Variants in ULK4 observed in about 807,000 individuals in gnomAD.
ULK4 encodes the protein unc-51 like kinase 4, also known as inactive serine/threonine-protein kinase ULK4.
ULK4 carries 133 observed loss-of-function variants against 160.6 expected under a neutral mutation model. The ratio of observed to expected loss-of-function variants is 0.83; its 90% confidence interval spans 0.72 to 0.96. The LOEUF is 0.96. Among genes scored for constraint, ULK4 ranks in the 40% least tolerant of loss-of-function variants. The pLI, the probability that ULK4 is intolerant of heterozygous loss-of-function variation, is 0.00. For synonymous variants in ULK4, 534 were observed against 539.8 expected (o/e 0.99, Z 0.15); for missense variants, 1,580 against 1,499.5 (o/e 1.05, Z -0.89).
At chr3:41,819,401 G>T in intron 19 of ULK4, 22 bp downstream of exon 19, 1 of 1,607,654 alleles carries the variant, frequency 6.2e-7, no homozygotes, top group East Asian at 2.2e-5. Flanking sequence ...AGCATCTACA[G>T]AGGACAACAA....
At chr3:41,689,854 T>C (rs1229816780) in intron 27 of ULK4, among the ~76,000 whole-genome samples, 8 of 150,362 alleles carry the variant, frequency 5.3e-5, no homozygotes, top group South Asian at 2.1e-4. Context: ...GACTGTAAAC[T>C]AGTTCAACCA....
At chr3:41,670,673 A>C (rs1413004369) in intron 29 of ULK4, among the ~76,000 whole-genome samples, 2 of 152,066 alleles carry the variant, frequency 1.3e-5, no homozygotes, top group Non-Finnish European at 2.9e-5. Flanking sequence ...GGTACTTCAA[A>C]ATAAGTGTTA....
chr3:41,726,487 G>A (rs1334591064), intron 22 of ULK4, among the ~76,000 whole-genome samples: 4 of 152,220 alleles, frequency 2.6e-5, no homozygotes, highest in East Asian at 1.9e-4. Flanking sequence ...CTTCACAAGC[G>A]TTCTACGAAA....
intron 3 of ULK4, 83 bp downstream of exon 3, chr3:41,938,015 A>C: frequency 9.6e-7 from 1 of 1,039,754 alleles, no homozygotes; most frequent in Non-Finnish European, 1.4e-6. Flanking sequence ...TAACATAGTA[A>C]ATAACATCAA....
chr3:41,817,452 T>TA (rs1182074556), intron 19 of ULK4, among the ~76,000 whole-genome samples: 1 of 152,152 alleles, frequency 6.6e-6, no homozygotes, highest in African/African-American at 2.4e-5. Flanking sequence ...TAAAAAATTA[T>TA]AAAATCATGT....
intron 12 of ULK4, among the ~76,000 whole-genome samples, chr3:41,901,498 TGAGA>T (rs1698362499): frequency 8.2e-6 from 1 of 122,284 alleles, no homozygotes; most frequent in Non-Finnish European, 1.8e-5. Flanking sequence ...TTTTTTTTTT[TGAGA>T]TAGAGTCTCA....
intron 5 of ULK4, among the ~76,000 whole-genome samples, chr3:41,926,358 C>T (rs1051357106): frequency 6.6e-6 from 1 of 152,208 alleles, no homozygotes; most frequent in South Asian, 2.1e-4. Context: ...CAACATCAAA[C>T]ACCAAAGGTA....
chr3:41,411,935 G>A (rs1221886427), intron 34 of ULK4, among the ~76,000 whole-genome samples: 1 of 152,026 alleles, frequency 6.6e-6, no homozygotes, highest in Non-Finnish European at 1.5e-5. Context: ...GAAATTTCTG[G>A]CCAATGCAAT....
intron 30 of ULK4, among the ~76,000 whole-genome samples, chr3:41,647,210 A>G (rs1306031069): frequency 3.4e-5 from 5 of 147,038 alleles, no homozygotes; most frequent in East Asian, 2.0e-4. Flanking sequence ...GTCATTCTCC[A>G]TCCAGCTTTG....
chr3:41,577,196 GA>G (rs913396483), intron 31 of ULK4, among the ~76,000 whole-genome samples: 1 of 151,840 alleles, frequency 6.6e-6, no homozygotes, highest in Non-Finnish European at 1.5e-5. Context: ...TGGTAGAGCA[GA>G]AAAAAAACCG....
intron 5 of ULK4, among the ~76,000 whole-genome samples, chr3:41,922,914 G>A (rs990155507): frequency 6.6e-6 from 1 of 152,160 alleles, no homozygotes; most frequent in South Asian, 2.1e-4. Flanking sequence ...CCTCACACTT[G>A]TAATGCCAGC....
At chr3:41,657,862 G>A (rs2035002836) in intron 30 of ULK4, among the ~76,000 whole-genome samples, 1 of 142,166 alleles carries the variant, frequency 7.0e-6, no homozygotes, top group Admixed American at 7.1e-5. Context: ...CAAATAACTG[G>A]GGATGATCTC....
Position 41,932,447 on chromosome 3 carries a change from T to C in ULK4, c.379-441A>G, listed in dbSNP as rs529997897. ...TTTAGACCCAGGTCCACCATTTACTTGCTGTCTGACCTTAAAGAATTTATT... is the reference window on the plus strand; with the variant it reads ...TTTAGACCCAGGTCCACCATTTACTCGCTGTCTGACCTTAAAGAATTTATT... On this transcript the variant is annotated intron_variant, in intron 4 of 36. Transcript: ENST00000301831. Among the ~76,000 whole-genome samples, 29 of 152,344 alleles carry C rather than the reference T, an allele frequency of 1.9e-4. 1 individual carries two copies. In the East Asian group the frequency reaches 5.0e-3, roughly 26 times the overall value.
At chr3:41,645,907 T>C (rs1376693547) in intron 30 of ULK4, among the ~76,000 whole-genome samples, 4 of 152,212 alleles carry the variant, frequency 2.6e-5, no homozygotes, top group African/African-American at 9.6e-5. Flanking sequence ...TTAGGATAGT[T>C]AGCTCTTCTT....
In ULK4 at chr3:41,535,979, G is replaced by A. The variant is rs546220193; in HGVS notation, c.3226+30046C>T. Among the ~76,000 whole-genome samples the A allele has an allele frequency of 2.4e-4, 37 of 152,224 alleles. No individual in the cohort carries two copies. The East Asian group carries it at 6.4e-3, about 26-fold the overall frequency. On this transcript the variant is annotated intron_variant, in intron 32 of 36. Transcript: ENST00000301831. ...CTCATCATATGTCTCTACTCATGCTGCAGCAAGAAGCTCAGGATTCTCAGA... is the reference window on the plus strand; with the variant it reads ...CTCATCATATGTCTCTACTCATGCTACAGCAAGAAGCTCAGGATTCTCAGA...
chr3:41,315,926 T>G (rs2125724898), intron 35 of ULK4, among the ~76,000 whole-genome samples: 1 of 152,246 alleles, frequency 6.6e-6, no homozygotes, highest in Non-Finnish European at 1.5e-5. Flanking sequence ...AAATCAGAAC[T>G]CTCATACACT....
chr3:41,847,187 C>T (rs2042089962), intron 17 of ULK4, among the ~76,000 whole-genome samples: 1 of 152,068 alleles, frequency 6.6e-6, no homozygotes, highest in Non-Finnish European at 1.5e-5. Flanking sequence ...GTGAAATGTG[C>T]TTCAATCTCA....
intron 17 of ULK4, among the ~76,000 whole-genome samples, chr3:41,868,094 G>A (rs992865109): frequency 1.3e-5 from 2 of 152,060 alleles, no homozygotes; most frequent in African/African-American, 2.4e-5. Context: ...TTGTATAATC[G>A]TGGGAATTAG....
In ULK4 at chr3:41,374,423, A is replaced by G. The variant is rs182858306; in HGVS notation, c.3678+23656T>C. 2.7e-3 allele frequency among the ~76,000 whole-genome samples: 407 copies of G among 152,310 alleles called. 2 individuals carry two copies. Among genetic ancestry groups the G allele is most frequent in the Non-Finnish European group, 3.7e-3 (254 of 68,026 alleles). ...GGCAAATGGAATCCAGCAGCACATC[A>G]AAAAGCTTATTCACCATGATCAAGT... On this transcript the variant is annotated intron_variant, in intron 35 of 36. Coordinates refer to ENST00000301831, the MANE Select transcript of ULK4 (RefSeq NM_017886.4).
Sources: gnomAD v4.1 joint callset for allele counts (sites outside exome capture counted in the v4.1 genomes callset) on GRCh38, gnomAD v4.1.1 for gene constraint, MANE v1.5 for transcripts, NCBI Gene and HGNC (gene_info 2026-07-23, HGNC 2026-07-21) for gene names.